Variants in RANBP2 observed in about 807,000 individuals in gnomAD.
RANBP2 encodes RAN binding protein 2.
In RANBP2, 57 loss-of-function variants were observed where a neutral mutation model predicts 303.6. The observed-to-expected ratio is 0.19, with a 90% confidence interval of 0.15 to 0.23. The LOEUF is 0.23. Among genes scored for constraint, RANBP2 ranks in the 10% least tolerant of loss-of-function variants. The pLI is 1.00. For missense variants in RANBP2, 3,138 were observed against 3,780.8 expected (o/e 0.83, Z 4.46); for synonymous variants, 1,167 against 1,301.5 (o/e 0.90, Z 2.23).
chr2:109,129,858 C>T, the RANBP2 span: 2 of 1,526,980 alleles, frequency 1.3e-6, no homozygotes, highest in East Asian at 2.5e-5. Flanking sequence ...GCGGCGTGGA[C>T]GAACTGCCCG....
At chr2:109,401,347 G>A in the RANBP2 span, among the ~76,000 whole-genome samples, 3 of 152,238 alleles carry the variant, frequency 2.0e-5, no homozygotes, top group Admixed American at 1.3e-4. Flanking sequence ...CTGAGGAGCA[G>A]CGGCCTGGCC....
At chr2:109,022,395 C>A in the RANBP2 span, among the ~76,000 whole-genome samples, 6 of 152,354 alleles carry the variant, frequency 3.9e-5, no homozygotes, top group East Asian at 9.6e-4. Context: ...GACAGCGTCG[C>A]TCATTTGTCC....
chr2:109,274,019 A>C, the RANBP2 span, among the ~76,000 whole-genome samples: 1 of 152,202 alleles, frequency 6.6e-6, no homozygotes, highest in South Asian at 2.1e-4. Flanking sequence ...GGGCTTATAA[A>C]AGAGTGCCAG....
the RANBP2 span, among the ~76,000 whole-genome samples, chr2:109,652,524 C>T: frequency 6.6e-6 from 1 of 152,194 alleles, no homozygotes; most frequent in African/African-American, 2.4e-5. Context: ...TTTTGTCTCT[C>T]ATCACCGTAT....
At chr2:108,989,713 C>T in the RANBP2 span, among the ~76,000 whole-genome samples, 6 of 152,302 alleles carry the variant, frequency 3.9e-5, no homozygotes, top group Admixed American at 2.6e-4. Context: ...ACCATACACA[C>T]CCCCCGTATA....
chr2:109,411,571 G>A, the RANBP2 span, among the ~76,000 whole-genome samples: 1 of 152,148 alleles, frequency 6.6e-6, no homozygotes, highest in Non-Finnish European at 1.5e-5. Flanking sequence ...CATCAGCATC[G>A]GGAAGCCACG....
chr2:109,068,945 T>C, the RANBP2 span, among the ~76,000 whole-genome samples: 2 of 152,310 alleles, frequency 1.3e-5, no homozygotes, highest in Admixed American at 1.3e-4. Flanking sequence ...CTTATATCGG[T>C]TGTGAGGAGC....
At chr2:109,245,340 G>A in the RANBP2 span, among the ~76,000 whole-genome samples, 1 of 151,900 alleles carries the variant, frequency 6.6e-6, no homozygotes, top group East Asian at 1.9e-4. Context: ...CCCAACTTGG[G>A]GACAGTGTCA....
the RANBP2 span, among the ~76,000 whole-genome samples, chr2:108,920,113 G>A: frequency 2.6e-5 from 4 of 152,186 alleles, no homozygotes; most frequent in African/African-American, 9.7e-5. Context: ...TGTCCACACC[G>A]CCAGTCAGTG....
the RANBP2 span, among the ~76,000 whole-genome samples, chr2:109,307,714 A>G: frequency 7.6e-5 from 11 of 145,160 alleles, no homozygotes; most frequent in Admixed American, 5.4e-4. Flanking sequence ...GAGAATGATG[A>G]TTTCCAATTT....
the RANBP2 span, among the ~76,000 whole-genome samples, chr2:109,277,269 C>T: frequency 6.6e-6 from 1 of 152,176 alleles, no homozygotes; most frequent in Non-Finnish European, 1.5e-5. Flanking sequence ...GTACAGGAAC[C>T]TGGATGTGAC....
chr2:108,991,326 A>T, the RANBP2 span, among the ~76,000 whole-genome samples: 1 of 152,262 alleles, frequency 6.6e-6, no homozygotes, highest in Non-Finnish European at 1.5e-5. Context: ...CTTTGAAGAT[A>T]TGTGATTTTC....
rs1181414180 is a variant in RANBP2 at position 108,763,925 on chromosome 2, A to T, written c.3386A>T (p.Asp1129Val). 2 of 1,613,926 alleles carry T rather than the reference A, an allele frequency of 1.2e-6. No homozygotes were observed. The highest frequency in any genetic ancestry group is 2.2e-5 in the South Asian group (2 of 91,080). ...QQKNSGFRRS[D>V]DMFTFHGPGK... Reference sequence around the variant, plus strand: ...AAGAATTCTGGTTTTCGGCGAAGTGATGATATGTTTACTTTCCATGGTCCA... The same window carrying T: ...AAGAATTCTGGTTTTCGGCGAAGTGTTGATATGTTTACTTTCCATGGTCCA... The change falls in exon 20 of 29, where the codon GAT becomes GTT. Residue 1129 changes from aspartate to valine, a missense_variant. Around this residue, in one of 20 missense-constraint regions of RANBP2, gnomAD observed 403 missense variants for 376.7 expected, o/e 1.07. Transcript: ENST00000283195.
chr2:109,146,640 T>C, the RANBP2 span, among the ~76,000 whole-genome samples: 1 of 152,212 alleles, frequency 6.6e-6, no homozygotes, highest in South Asian at 2.1e-4. Context: ...GGTGGCTGAC[T>C]GACCATCTCC....
chr2:109,198,323 A>G, the RANBP2 span, among the ~76,000 whole-genome samples: 60 of 152,340 alleles, frequency 3.9e-4, no homozygotes, highest in Non-Finnish European at 4.4e-4. Context: ...GGAATAAATT[A>G]TCAACAGTGC....
At chr2:109,637,814 A>T in the RANBP2 span, among the ~76,000 whole-genome samples, 2 of 152,130 alleles carry the variant, frequency 1.3e-5, no homozygotes, top group Non-Finnish European at 2.9e-5. Context: ...TTCTAGATAG[A>T]CACAGTATCA....
At chr2:109,359,466 C>G in the RANBP2 span, among the ~76,000 whole-genome samples, 2 of 152,128 alleles carry the variant, frequency 1.3e-5, no homozygotes, top group Non-Finnish European at 2.9e-5. Flanking sequence ...TTAATTTTCC[C>G]TATATACATC....
At chr2:109,545,367 A>AAG in the RANBP2 span, 44 of 1,501,486 alleles carry the variant, frequency 2.9e-5, no homozygotes, top group African/African-American at 6.0e-4. Flanking sequence ...AACTTGGGTA[A>AAG]CTGATTTTAA....
chr2:109,064,313 G>A, the RANBP2 span, among the ~76,000 whole-genome samples: 22 of 151,976 alleles, frequency 1.4e-4, no homozygotes, highest in East Asian at 5.8e-4. Context: ...AAAATTAGCC[G>A]GGCATGGTGT....
Sources: gnomAD v4.1 joint callset for allele counts (sites outside exome capture counted in the v4.1 genomes callset) on GRCh38, gnomAD v4.1.1 for gene constraint, gnomAD v4.1.1 regional missense constraint, MANE v1.5 for transcripts, NCBI Gene and HGNC (gene_info 2026-07-23, HGNC 2026-07-21) for gene names.